EPN2: variants seen among roughly 807,000 people sequenced by gnomAD.
EPN2 encodes the protein epsin 2, also known as epsin-2.
In EPN2, 34 loss-of-function variants were observed where a neutral mutation model predicts 61.7. The observed-to-expected ratio is 0.55, with a 90% CI of 0.42 to 0.73. EPN2 has a LOEUF of 0.73. EPN2 is among the 30% of genes least tolerant of loss of function. The pLI is 0.00. For missense variants in EPN2, 714 were observed against 839.2 expected, an observed-to-expected ratio of 0.85 and a Z score of 1.84; for synonymous variants, 349 against 353.6, an observed-to-expected ratio of 0.99 and a Z score of 0.15.
At chr17:19,273,929 A>G (rs2045281120) in intron 1 of EPN2, 1 of 152,184 alleles carries the variant, frequency 6.6e-6, no homozygotes, top group Non-Finnish European at 1.5e-5. Context: ...AGCACTGTCC[A>G]TATTGTCCTA....
intron 7 of EPN2, among the ~76,000 whole-genome samples, chr17:19,326,024 C>T (rs1306540385): frequency 6.6e-6 from 1 of 151,974 alleles, no homozygotes; most frequent in South Asian, 2.1e-4. Context: ...ATGCTTAGTT[C>T]CTAGGAATAA....
chr17:19,322,410 A>C (rs929448262), intron 7 of EPN2, among the ~76,000 whole-genome samples: 1 of 152,198 alleles, frequency 6.6e-6, no homozygotes, highest in East Asian at 1.9e-4. Context: ...ACAGCTAGCC[A>C]GTAGCTGATC....
chr17:19,295,362 A>ACGCT (rs1182989127), intron 4 of EPN2, among the ~76,000 whole-genome samples: 2 of 71,004 alleles, frequency 2.8e-5, no homozygotes, highest in African/African-American at 7.0e-5. Context: ...ACACACACAC[A>ACGCT]CACACGCGCG....
In EPN2 at chr17:19,283,164, C is replaced by A. The variant is rs2045374050; in HGVS notation, c.45C>A (p.Asn15Lys). The A allele has an allele frequency of 6.2e-7, 1 of 1,613,594 alleles. No homozygotes were observed. The highest frequency in any genetic ancestry group is 8.5e-7 in the Non-Finnish European group (1 of 1,179,852). ...SIRRQMKNIV[N>K]NYSEAEIKVR... is the part of the protein sequence containing the mutation. ...GACGGCAGATGAAAAACATCGTGAA[C>A]AATTACTCAGAGGCAGAAATCAAAG... The change falls in exon 3 of 11, where the codon AAC (asparagine) becomes AAA (lysine). Residue 15 changes from asparagine to lysine, a missense_variant. Physicochemically the swap from Asn to Lys is moderately conservative, Grantham distance 94. Transcript: ENST00000314728. This position sits in a 1 kb window ranked among gnomAD's most constrained non-coding sequence, Gnocchi z 7.0.
chr17:19,306,433 A>C (rs1905845586), intron 4 of EPN2, among the ~76,000 whole-genome samples: 3 of 152,208 alleles, frequency 2.0e-5, no homozygotes, highest in South Asian at 4.1e-4. Flanking sequence ...GCAGAACTGA[A>C]AGCTGTACAT....
chr17:19,286,295 A>T (rs1003389064), intron 4 of EPN2, among the ~76,000 whole-genome samples: 11 of 152,016 alleles, frequency 7.2e-5, no homozygotes, highest in African/African-American at 2.7e-4. Flanking sequence ...TTTGCTTCCC[A>T]ATTAACTGCT....
At chr17:19,304,422 C>CT (rs1241914384) in intron 4 of EPN2, among the ~76,000 whole-genome samples, 71 of 152,248 alleles carry the variant, frequency 4.7e-4, no homozygotes, top group Non-Finnish European at 8.8e-5. Context: ...GTGCTCAGTG[C>CT]TGGCTCCCTA....
intron 4 of EPN2, among the ~76,000 whole-genome samples, chr17:19,302,224 C>T (rs1284681350): frequency 1.3e-5 from 2 of 152,234 alleles, no homozygotes; most frequent in Non-Finnish European, 2.9e-5. Flanking sequence ...CAGTGTTGCA[C>T]AGGCAGTGGG....
At chr17:19,309,849 G>C in intron 4 of EPN2, 36 bp from the exon 5 acceptor site, 1 of 1,555,124 alleles carries the variant, frequency 6.4e-7, no homozygotes, top group Middle Eastern at 1.7e-4. Context: ...TATCAGCCTT[G>C]TCTTTTGCAT....
intron 1 of EPN2, among the ~76,000 whole-genome samples, chr17:19,278,851 A>G (rs1011026743): frequency 2.6e-5 from 4 of 151,964 alleles, no homozygotes; most frequent in South Asian, 2.1e-4. Context: ...TGGCCAAGCT[A>G]TTGCTGAACT....
At chr17:19,284,501 CAG>C (rs910243288) in intron 3 of EPN2, among the ~76,000 whole-genome samples, 7 of 152,176 alleles carry the variant, frequency 4.6e-5, no homozygotes, top group African/African-American at 1.7e-4. Context: ...ACCCCACACT[CAG>C]AGAGACAGGT....
At chr17:19,241,362 A>G (rs1041879119) in intron 1 of EPN2, among the ~76,000 whole-genome samples, 2 of 152,176 alleles carry the variant, frequency 1.3e-5, no homozygotes, top group African/African-American at 4.8e-5. Flanking sequence ...AAGCGGCCGG[A>G]TCACCCTGAG....
chr17:19,277,680 C>T (rs2045320818), intron 1 of EPN2, among the ~76,000 whole-genome samples: 1 of 152,198 alleles, frequency 6.6e-6, no homozygotes, highest in South Asian at 2.1e-4. Context: ...AGTCCTGCTT[C>T]ATGGCCCACG....
chr17:19,283,383 C>G lies in EPN2; in HGVS notation c.264C>G (p.Gly88=), dbSNP rs369710969. Residue 88 remains glycine, a synonymous_variant, in exon 3 of 11, where the codon GGC becomes GGG. Transcript: ENST00000314728. This position sits in a 1 kb window ranked among gnomAD's most constrained non-coding sequence, Gnocchi z 7.0. ...TGCTGGACTACCTCATCAAGACAGG[C>G]TCCGAACGTGTGGCCCAGCAGTGCC... ...LTLLDYLIKT[G]SERVAQQCRE... is the part of the protein sequence containing the mutation. 6.2e-7 allele frequency: 1 copy of G among 1,614,058 alleles called. No individual in the cohort carries two copies. The highest frequency in any genetic ancestry group is 8.5e-7 in the Non-Finnish European group (1 of 1,180,020).
At chr17:19,262,996 G>A (rs1438729647) in intron 1 of EPN2, among the ~76,000 whole-genome samples, 1 of 152,238 alleles carries the variant, frequency 6.6e-6, no homozygotes, top group African/African-American at 2.4e-5. Flanking sequence ...ATTGGACAAA[G>A]TTGTTTCCAG....
intron 7 of EPN2, among the ~76,000 whole-genome samples, chr17:19,315,439 A>T (rs963779749): frequency 6.6e-6 from 1 of 152,096 alleles, no homozygotes; most frequent in African/African-American, 2.4e-5. Flanking sequence ...TGCCCATGTG[A>T]ATCTGCCCTC....
intron 1 of EPN2, among the ~76,000 whole-genome samples, chr17:19,254,414 G>A (rs1053927531): frequency 8.0e-5 from 12 of 150,044 alleles, no homozygotes; most frequent in African/African-American, 2.5e-4. Flanking sequence ...GGTGATGCAT[G>A]CTTGTAATCT....
intron 1 of EPN2, among the ~76,000 whole-genome samples, chr17:19,246,420 G>A (rs1213586997): frequency 6.6e-6 from 1 of 152,078 alleles, no homozygotes; most frequent in African/African-American, 2.4e-5. Context: ...TTAACACCTG[G>A]GTTCTAGCCA....
intron 1 of EPN2, among the ~76,000 whole-genome samples, chr17:19,269,724 T>C (rs1371600891): frequency 2.0e-5 from 3 of 152,004 alleles, no homozygotes; most frequent in Non-Finnish European, 4.4e-5. Context: ...GGCTTAGCAC[T>C]GAATGGCTCT....
Sources: gnomAD v4.1 joint callset for allele counts (sites outside exome capture counted in the v4.1 genomes callset) on GRCh38, gnomAD v4.1.1 for gene constraint, Gnocchi (gnomAD v3.1) non-coding constraint, MANE v1.5 for transcripts, NCBI Gene and HGNC (gene_info 2026-07-23, HGNC 2026-07-21) for gene names.